The following COBL variants were observed in gnomAD, a reference collection of about 807,000 sequenced individuals.
COBL encodes cordon-bleu WH2 repeat protein.
In COBL, 51 loss-of-function variants were observed where a neutral mutation model predicts 98.8. The ratio of observed to expected loss-of-function variants is 0.52; its 90% CI spans 0.41 to 0.65. The LOEUF is 0.65. COBL is among the 30% of genes least tolerant of loss of function. The probability of loss-of-function intolerance (pLI) is 0.00; values close to 1 mark genes in which losing one functional copy is unlikely to be tolerated. For synonymous variants in COBL, 634 were observed against 651.7 expected, an observed-to-expected ratio of 0.97 and a Z score of 0.41; for missense variants, 1,617 against 1,617.5, an observed-to-expected ratio of 1.00 and a Z score of 0.01.
chr7:51,197,457 T>C (rs1790698930), intron 2 of COBL, among the ~76,000 whole-genome samples: 1 of 152,202 alleles, frequency 6.6e-6, no homozygotes, highest in East Asian at 1.9e-4. Flanking sequence ...GATTTTAGAG[T>C]ATAAGCCATG....
In COBL at chr7:51,184,127, T is replaced by C. The variant is rs139581493; in HGVS notation, c.758A>G (p.Lys253Arg). ...KEKKKFLGFFKVNKRSNSKGC... is the reference protein window; with the variant it reads ...KEKKKFLGFFRVNKRSNSKGC... ...CTTACTATTGCTTCTTTTATTAACTTTGAAAAATCCCAGAAATTTTTTCTT... is the reference window on the plus strand; with the variant it reads ...CTTACTATTGCTTCTTTTATTAACTCTGAAAAATCCCAGAAATTTTTTCTT... Residue 253 changes from lysine (K) to arginine (R), a missense_variant, in exon 5 of 13, where the codon AAA becomes AGA. Lys to Arg is a conservative substitution (Grantham distance 26). Around this residue, in one of 3 missense-constraint regions of COBL, gnomAD observed 75 missense variants for 120.5 expected, o/e 0.62. Coordinates refer to ENST00000265136, the MANE Select transcript of COBL (RefSeq NM_015198.5). The C allele has an allele frequency of 2.0e-5, 31 of 1,548,014 alleles. No individual in the cohort carries two copies. Among genetic ancestry groups the C allele is most frequent in the Middle Eastern group, 3.4e-4 (2 of 5,832 alleles).
chr7:51,093,122 C>T (rs1401949213), intron 6 of COBL, among the ~76,000 whole-genome samples: 1 of 152,006 alleles, frequency 6.6e-6, no homozygotes, highest in Non-Finnish European at 1.5e-5. Flanking sequence ...TATTTGCAAA[C>T]CATATAGCTG....
intron 2 of COBL, among the ~76,000 whole-genome samples, chr7:51,206,228 A>G (rs1461497650): frequency 6.6e-6 from 1 of 152,188 alleles, no homozygotes; most frequent in Non-Finnish European, 1.5e-5. Context: ...ACGGTGGTTC[A>G]CACCTGTAAT....
intron 7 of COBL, among the ~76,000 whole-genome samples, chr7:51,074,114 T>C (rs1222364187): frequency 6.6e-6 from 1 of 152,018 alleles, no homozygotes; most frequent in Non-Finnish European, 1.5e-5. Context: ...AGACAAACAG[T>C]TTAGAAGACT....
intron 1 of COBL, among the ~76,000 whole-genome samples, chr7:51,229,480 G>A (rs1222277287): frequency 6.6e-6 from 1 of 152,154 alleles, no homozygotes; most frequent in East Asian, 1.9e-4. Flanking sequence ...TTTTCCCAAG[G>A]TGCATTCGTC....
chr7:51,294,233 C>A (rs1801183624), intron 1 of COBL, among the ~76,000 whole-genome samples: 1 of 149,886 alleles, frequency 6.7e-6, no homozygotes, highest in East Asian at 2.0e-4. Flanking sequence ...AGAGGCTGCA[C>A]TGAGCAGAGA....
intron 6 of COBL, among the ~76,000 whole-genome samples, chr7:51,121,621 T>C (rs913357306): frequency 2.0e-5 from 3 of 152,210 alleles, no homozygotes; most frequent in African/African-American, 4.8e-5. Context: ...GAGTTCAGAA[T>C]GTAAGTTCAA....
chr7:51,227,169 T>G (rs1181625009), intron 1 of COBL, among the ~76,000 whole-genome samples: 1 of 152,160 alleles, frequency 6.6e-6, no homozygotes, highest in East Asian at 1.9e-4. Context: ...CAGTGAAGGT[T>G]TCCAGCACAC....
chr7:51,281,069 G>A lies in COBL; in HGVS notation c.41+35524C>T, dbSNP rs545417200. ...TAAAAATGCTCTAAGTTAAGGGCAA[G>A]AACGCTTGAAATGAATGAAAACTTA... On this transcript the variant is annotated intron_variant, in intron 1 of 12. Coordinates refer to ENST00000265136, the MANE Select transcript of COBL (RefSeq NM_015198.5). Among the ~76,000 whole-genome samples the A allele has an allele frequency of 3.3e-5, 5 of 152,302 alleles. No individual in the cohort carries two copies. The South Asian group carries it at 1.0e-3, about 32-fold the overall frequency.
At chr7:51,019,347 A>T (rs1786688099) in intron 12 of COBL, among the ~76,000 whole-genome samples, 1 of 152,082 alleles carries the variant, frequency 6.6e-6, no homozygotes, top group South Asian at 2.1e-4. Flanking sequence ...GACTCATGGA[A>T]CTTGTGATGT....
At chr7:51,175,370 G>T (rs1319829372) in intron 5 of COBL, among the ~76,000 whole-genome samples, 1 of 152,304 alleles carries the variant, frequency 6.6e-6, no homozygotes, top group East Asian at 1.9e-4. Flanking sequence ...AGAGATTTGA[G>T]AATTTTTTTA....
intron 7 of COBL, among the ~76,000 whole-genome samples, chr7:51,053,066 CAT>C (rs771962979): frequency 1.6e-4 from 24 of 152,304 alleles, no homozygotes; most frequent in East Asian, 7.7e-4. Context: ...CTTCCCAGCA[CAT>C]ATATTTCTGA....
intron 8 of COBL, chr7:51,032,541 T>A (rs1246528987): frequency 6.6e-6 from 1 of 152,200 alleles, no homozygotes; most frequent in Non-Finnish European, 1.5e-5. Flanking sequence ...CGTAGCAAAG[T>A]TTTTATTCTG....
chr7:51,240,286 G>C (rs1584277686), intron 1 of COBL, among the ~76,000 whole-genome samples: 1 of 152,282 alleles, frequency 6.6e-6, no homozygotes, highest in East Asian at 1.9e-4. Flanking sequence ...AGGAAACACT[G>C]TGAGTATTCA....
At chr7:51,279,387 A>C (rs1057164155) in intron 1 of COBL, among the ~76,000 whole-genome samples, 2 of 152,246 alleles carry the variant, frequency 1.3e-5, no homozygotes, top group Non-Finnish European at 2.9e-5. Flanking sequence ...TTATTAAATA[A>C]ATCACCTGAA....
chr7:51,167,821 G>T (rs1787476408), intron 5 of COBL, among the ~76,000 whole-genome samples: 1 of 152,142 alleles, frequency 6.6e-6, no homozygotes, highest in Admixed American at 6.5e-5. Context: ...ATACACTGGG[G>T]ATAACAGCGT....
chr7:51,173,173 A>G (rs534097711), intron 5 of COBL, among the ~76,000 whole-genome samples: 1 of 151,424 alleles, frequency 6.6e-6, no homozygotes, highest in African/African-American at 2.4e-5. Flanking sequence ...GAGGACTTCA[A>G]AGTTTTTTGT....
At chr7:51,180,006 C>T (rs933253068) in intron 5 of COBL, among the ~76,000 whole-genome samples, 9 of 152,214 alleles carry the variant, frequency 5.9e-5, no homozygotes, top group African/African-American at 2.2e-4. Context: ...GTAAAGTACA[C>T]TATGGTGGGC....
intron 6 of COBL, among the ~76,000 whole-genome samples, chr7:51,133,903 C>T (rs1026478514): frequency 8.5e-5 from 13 of 152,050 alleles, no homozygotes; most frequent in African/African-American, 2.7e-4. Flanking sequence ...ATTATCCCAC[C>T]GTTAGGACTT....
Sources: allele counts gnomAD v4.1 joint callset (sites outside exome capture counted in the v4.1 genomes callset), GRCh38; gene constraint gnomAD v4.1.1; regional missense constraint gnomAD v4.1.1; transcripts MANE v1.5; gene names NCBI Gene and HGNC (gene_info 2026-07-23, HGNC 2026-07-21).